SP100: variants seen among roughly 807,000 people sequenced by gnomAD.
The protein encoded by SP100 is nuclear autoantigen Sp-100.
In SP100, 84 loss-of-function variants were observed where a neutral mutation model predicts 130.0. The observed-to-expected ratio is 0.65, with a 90% CI of 0.54 to 0.77. The LOEUF (loss-of-function observed/expected upper bound fraction) is 0.77, where lower values mean the gene tolerates loss of function less well. SP100 is among the 30% of genes least tolerant of loss of function. SP100 has a pLI of 0.00. For missense variants in SP100, 978 were observed against 1,052.2 expected (o/e 0.93, Z 0.97); for synonymous variants, 331 against 351.7 (o/e 0.94, Z 0.66).
In SP100 at chr2:230,534,492, T is replaced by C. The variant is rs141503007; in HGVS notation, c.2095-4775T>C. Among the ~76,000 whole-genome samples the C allele has an allele frequency of 7.0e-4, 107 of 152,356 alleles. 1 individual carries two copies. The highest frequency in any genetic ancestry group is 2.4e-3 in the African/African-American group (100 of 41,588). On this transcript the variant is annotated intron_variant, in intron 24 of 28. Transcript: ENST00000340126. ...TGTAATATCAAATGTCTTAAAACTT[T>C]GATATTTGACAGACTTTCCAAGAGT...
At chr2:230,417,796 A>G in intron 2 of SP100, 131 bp downstream of exon 2, 2 of 1,371,474 alleles carry the variant, frequency 1.5e-6, no homozygotes, top group Non-Finnish European at 1.9e-6. Context: ...TTTTGCCAAT[A>G]TGATTCCGTT....
At chr2:230,526,790 A>G (rs866870544) in intron 24 of SP100, among the ~76,000 whole-genome samples, 2 of 152,226 alleles carry the variant, frequency 1.3e-5, no homozygotes, top group African/African-American at 4.8e-5. Flanking sequence ...ACAAGCTTCA[A>G]TAGCCGATTC....
intron 18 of SP100, 50 bp downstream of exon 18, chr2:230,494,510 T>C (rs6759377): frequency 0.17 from 231,580 of 1,394,868 alleles, 22,625 homozygotes; most frequent in African/African-American, 0.42. Context: ...GTGGTCCTGT[T>C]CTTCCTGCCA....
chr2:230,540,016 G>T (rs1407083608), intron 25 of SP100, among the ~76,000 whole-genome samples: 2 of 152,152 alleles, frequency 1.3e-5, no homozygotes, highest in Non-Finnish European at 1.5e-5. Flanking sequence ...TTCCATAATG[G>T]AGGAGGCTAA....
At chr2:230,476,528 G>C (rs2065558174) in intron 17 of SP100, among the ~76,000 whole-genome samples, 1 of 151,482 alleles carries the variant, frequency 6.6e-6, no homozygotes, top group East Asian at 1.9e-4. Context: ...TCTTCATCTT[G>C]CTTTTCATTC....
At chr2:230,428,365 T>C (rs1393619052) in intron 2 of SP100, among the ~76,000 whole-genome samples, 1 of 151,740 alleles carries the variant, frequency 6.6e-6, no homozygotes, top group Non-Finnish European at 1.5e-5. Flanking sequence ...CTTACAATCA[T>C]GGTGGAAGGG....
intron 2 of SP100, among the ~76,000 whole-genome samples, chr2:230,425,263 A>G (rs2062892276): frequency 6.6e-6 from 1 of 152,148 alleles, no homozygotes; most frequent in Non-Finnish European, 1.5e-5. Flanking sequence ...CCATCTTATA[A>G]CTGAAAGTCT....
Position 230,417,133 on chromosome 2 carries a change from T to C in SP100, c.33-458T>C, listed in dbSNP as rs567244860. On this transcript the variant is annotated intron_variant, in intron 1 of 28. Transcript: ENST00000340126. Reference sequence around the variant, plus strand: ...GCCACTCAGCCATTCTTGTAGCTTCTCTTCCCAGTCCTGTGAAGAGTCTTG... The same window carrying C: ...GCCACTCAGCCATTCTTGTAGCTTCCCTTCCCAGTCCTGTGAAGAGTCTTG... Among the ~76,000 whole-genome samples, 77 of 152,350 alleles carry C rather than the reference T, an allele frequency of 5.1e-4. 1 individual carries two copies. The highest frequency in any genetic ancestry group is 1.8e-3 in the African/African-American group (76 of 41,584).
chr2:230,510,087 T>G (rs1402114140), intron 23 of SP100: 1 of 152,642 alleles, frequency 6.6e-6, no homozygotes, highest in African/African-American at 2.4e-5. Flanking sequence ...CCAGATTGCT[T>G]CTGGCAGGTG....
intron 27 of SP100, 130 bp from the exon 28 acceptor site, chr2:230,541,762 T>TCCTAGTA (rs1692188176): frequency 1.1e-6 from 1 of 942,498 alleles, no homozygotes; most frequent in Admixed American, 2.8e-5. Context: ...AGGTCCCACC[T>TCCTAGTA]CCTAGTACCT....
intron 2 of SP100, among the ~76,000 whole-genome samples, chr2:230,441,451 A>G (rs1159850507): frequency 6.6e-6 from 1 of 152,180 alleles, no homozygotes. Context: ...AAGAGCAGCA[A>G]TTTTATTTAT....
intron 2 of SP100, among the ~76,000 whole-genome samples, chr2:230,420,297 G>T (rs1179444029): frequency 6.6e-6 from 1 of 152,086 alleles, no homozygotes; most frequent in Non-Finnish European, 1.5e-5. Flanking sequence ...TGTTTTTCTG[G>T]AGAAATAATT....
rs1242629107 is a variant in SP100 at position 230,544,761 on chromosome 2, A to T, written c.*1815A>T. Among the ~76,000 whole-genome samples, 2 of 152,236 alleles carry T rather than the reference A, an allele frequency of 1.3e-5. No individual in the cohort carries two copies. The highest frequency in any genetic ancestry group is 6.5e-5 in the Admixed American group (1 of 15,282). On this transcript the variant is annotated 3_prime_UTR_variant, in exon 29 of 29. Transcript: ENST00000340126. ...CTCCCAAAGTGCTGGGATTACAGGC[A>T]TCAGCCACCATGCCCGGATGAAAAG...
chr2:230,423,167 C>T (rs58941251), intron 2 of SP100, among the ~76,000 whole-genome samples: 13,820 of 152,178 alleles, frequency 0.091, 706 homozygotes, highest in Non-Finnish European at 0.11. Flanking sequence ...TAGTGAAGCT[C>T]TGGAAGTATA....
intron 24 of SP100, among the ~76,000 whole-genome samples, chr2:230,537,079 A>G (rs1691974884): frequency 1.3e-5 from 2 of 152,124 alleles, no homozygotes; most frequent in South Asian, 4.1e-4. Flanking sequence ...GCAACATGGC[A>G]AAACCCCACC....
At chr2:230,531,280 G>A (rs761728135) in intron 24 of SP100, among the ~76,000 whole-genome samples, 2 of 152,202 alleles carry the variant, frequency 1.3e-5, no homozygotes, top group Non-Finnish European at 2.9e-5. Flanking sequence ...GGACATGGAT[G>A]AAGCTGGAAA....
intron 8 of SP100, among the ~76,000 whole-genome samples, chr2:230,452,427 T>C (rs1335659177): frequency 6.6e-6 from 1 of 152,134 alleles, no homozygotes; most frequent in African/African-American, 2.4e-5. Context: ...TCCACCCACC[T>C]CAAACTCCTA....
intron 17 of SP100, among the ~76,000 whole-genome samples, chr2:230,487,473 G>A (rs2066166231): frequency 6.6e-6 from 1 of 152,200 alleles, no homozygotes; most frequent in Non-Finnish European, 1.5e-5. Flanking sequence ...TCAAAGATCA[G>A]ATGGTTGCAG....
In SP100 at chr2:230,545,394, CA is replaced by C. The variant is rs1455401058; in HGVS notation, c.*2450del. ...GCTAAATGATGAGAACTCATGAACA[CA>C]ATGAAGGGAACAGACACTAGGGTCT... On this transcript the variant is annotated 3_prime_UTR_variant, in exon 29 of 29. Coordinates refer to ENST00000340126, the MANE Select transcript of SP100 (RefSeq NM_001080391.2). Among the ~76,000 whole-genome samples the C allele has an allele frequency of 6.6e-6, 1 of 151,982 alleles. No individual in the cohort carries two copies. Among genetic ancestry groups the C allele is most frequent in the Non-Finnish European group, 1.5e-5 (1 of 68,008 alleles).
Sources: allele counts gnomAD v4.1 joint callset (sites outside exome capture counted in the v4.1 genomes callset), GRCh38; gene constraint gnomAD v4.1.1; transcripts MANE v1.5; gene names NCBI Gene and HGNC (gene_info 2026-07-23, HGNC 2026-07-21).